The following SGCD variants were observed in gnomAD, a reference collection of about 807,000 sequenced individuals.
SGCD encodes the protein sarcoglycan delta, also known as delta-sarcoglycan.
A neutral mutation model predicts 36.6 loss-of-function variants in SGCD; 18 were observed. The observed-to-expected ratio is 0.49, with a 90% confidence interval of 0.34 to 0.73. The LOEUF is 0.73. SGCD is among the 30% of genes least tolerant of loss of function. The pLI is 0.01. For synonymous variants in SGCD, 133 were observed against 130.6 expected (o/e 1.02, Z -0.12); for missense variants, 387 against 346.7 (o/e 1.12, Z -0.92).
chr5:156,486,837 G>T (rs1307997323), intron 3 of SGCD, among the ~76,000 whole-genome samples: 1 of 152,070 alleles, frequency 6.6e-6, no homozygotes. Context: ...GCCACTTGGG[G>T]GCCTGGGAAC....
chr5:156,678,970 A>G (rs560066921), intron 7 of SGCD, among the ~76,000 whole-genome samples: 1 of 152,154 alleles, frequency 6.6e-6, no homozygotes, highest in African/African-American at 2.4e-5. Context: ...TTTTTTTTCT[A>G]GTTCTGATTC....
chr5:156,637,311 C>T (rs551785878), intron 6 of SGCD, among the ~76,000 whole-genome samples: 8 of 152,182 alleles, frequency 5.3e-5, no homozygotes, highest in Admixed American at 1.3e-4. Flanking sequence ...ATAAATTACC[C>T]GATCTTGGGT....
chr5:156,597,629 C>T (rs889943942), intron 6 of SGCD, among the ~76,000 whole-genome samples: 1 of 152,256 alleles, frequency 6.6e-6, no homozygotes, highest in Middle Eastern at 3.4e-3. Flanking sequence ...CAAACCATGT[C>T]GGTGAGGATT....
chr5:156,531,342 T>C (rs1333619960), intron 4 of SGCD, among the ~76,000 whole-genome samples: 1 of 152,240 alleles, frequency 6.6e-6, no homozygotes, highest in African/African-American at 2.4e-5. Flanking sequence ...TTACCCAGGC[T>C]GGGGTTCTTT....
In SGCD at chr5:156,758,442, GT is replaced by G. The variant is rs1319599967; in HGVS notation, c.699+740del. ...TCCACCTGACTATTCAATGAGAGAG[GT>G]TATCAGTCTCTACCTGCTTCTATAC... On this transcript the variant is annotated intron_variant, in intron 8 of 8. Coordinates refer to ENST00000337851, the MANE Select transcript of SGCD (RefSeq NM_000337.6). Among the ~76,000 whole-genome samples, 6 of 151,394 alleles carry G rather than the reference GT, an allele frequency of 4.0e-5. No homozygotes were observed. The East Asian group carries it at 1.2e-3, about 29-fold the overall frequency.
chr5:155,908,366 T>C (rs1029906242), intron 1 of SGCD, among the ~76,000 whole-genome samples: 2 of 152,152 alleles, frequency 1.3e-5, no homozygotes, highest in African/African-American at 4.8e-5. Flanking sequence ...TGTTTCCAGT[T>C]CTTCATATGA....
chr5:156,313,672 A>G (rs376277043), intron 3 of SGCD, among the ~76,000 whole-genome samples: 1 of 152,186 alleles, frequency 6.6e-6, no homozygotes, highest in South Asian at 2.1e-4. Context: ...TTAATAGCTG[A>G]AGGAGTTTGT....
chr5:156,037,549 G>C (rs1242455181), intron 1 of SGCD, among the ~76,000 whole-genome samples: 1 of 152,180 alleles, frequency 6.6e-6, no homozygotes, highest in African/African-American at 2.4e-5. Context: ...AACTTATTTA[G>C]GACACATAAA....
chr5:156,569,742 C>G (rs1291976396), intron 4 of SGCD, among the ~76,000 whole-genome samples: 1 of 151,944 alleles, frequency 6.6e-6, no homozygotes, highest in Non-Finnish European at 1.5e-5. Flanking sequence ...TCAAGGCAAC[C>G]AGGTGGATAT....
chr5:156,328,725 G>A (rs368881040), intron 1 of SGCD, among the ~76,000 whole-genome samples: 22 of 150,908 alleles, frequency 1.5e-4, no homozygotes, highest in Middle Eastern at 3.4e-3. Flanking sequence ...GATGGTTCAT[G>A]AACATTTTCT....
At position 156,379,900 on chromosome 5, in the gene SGCD, A is replaced by T. The variant is rs568652915; in HGVS notation, c.192+35223A>T. Among the ~76,000 whole-genome samples the T allele has an allele frequency of 3.1e-4, 47 of 152,342 alleles. No homozygotes were observed. In the South Asian group the frequency reaches 8.3e-3, roughly 27 times the overall value. Reference sequence around the variant, plus strand: ...GTTCAGAAAACTCTCTTAGGAAAAAAGAAAAAGCAAAAAATTTGACTGCAA... The same window carrying T: ...GTTCAGAAAACTCTCTTAGGAAAAATGAAAAAGCAAAAAATTTGACTGCAA... On this transcript the variant is annotated intron_variant, in intron 3 of 8. Coordinates refer to ENST00000337851, the MANE Select transcript of SGCD (RefSeq NM_000337.6).
intron 3 of SGCD, among the ~76,000 whole-genome samples, chr5:156,378,548 A>G (rs1475458497): frequency 6.6e-6 from 1 of 152,090 alleles, no homozygotes; most frequent in African/African-American, 2.4e-5. Context: ...GCATTTTATA[A>G]TTCCCCCCAC....
chr5:156,564,449 C>CA (rs1233284374), intron 4 of SGCD, among the ~76,000 whole-genome samples: 1 of 151,978 alleles, frequency 6.6e-6, no homozygotes, highest in African/African-American at 2.4e-5. Context: ...GACTCCATCT[C>CA]AAAACAAAAC....
chr5:156,482,218 A>C (rs963221219), intron 3 of SGCD, among the ~76,000 whole-genome samples: 3 of 152,154 alleles, frequency 2.0e-5, no homozygotes, highest in African/African-American at 7.2e-5. Context: ...AGCCTGAAAG[A>C]TCACTATGAT....
chr5:156,585,011 G>C (rs1368573775), intron 4 of SGCD, among the ~76,000 whole-genome samples: 3 of 152,234 alleles, frequency 2.0e-5, no homozygotes, highest in Non-Finnish European at 4.4e-5. Flanking sequence ...AGTGGTGACA[G>C]ATGAACATGA....
At chr5:156,198,966 G>A (rs1764082876) in intron 3 of SGCD, among the ~76,000 whole-genome samples, 1 of 152,028 alleles carries the variant, frequency 6.6e-6, no homozygotes, top group South Asian at 2.1e-4. Context: ...AAGTAGCTGG[G>A]ATATAGGTGC....
At chr5:156,647,378 C>A (rs938062164) in intron 6 of SGCD, 86 bp from the exon 7 acceptor site, 14 of 838,560 alleles carry the variant, frequency 1.7e-5, no homozygotes, top group Non-Finnish European at 2.7e-5. Flanking sequence ...GGATTCGCTG[C>A]ATTTAGCTCC....
At chr5:155,870,233 A>T (rs1755605100), upstream of SGCD, 1 of 152,208 alleles carries the variant, frequency 6.6e-6, no homozygotes, top group South Asian at 2.1e-4. Flanking sequence ...CTGTGTCTCA[A>T]TTTCCTCAAC....
At chr5:156,703,462 A>G (rs1754610352) in intron 7 of SGCD, among the ~76,000 whole-genome samples, 1 of 151,596 alleles carries the variant, frequency 6.6e-6, no homozygotes, top group Non-Finnish European at 1.5e-5. Flanking sequence ...TAAGTCATTC[A>G]ACACTGGCAT....
Sources: gnomAD v4.1 joint callset for allele counts (sites outside exome capture counted in the v4.1 genomes callset) on GRCh38, gnomAD v4.1.1 for gene constraint, MANE v1.5 for transcripts, NCBI Gene and HGNC (gene_info 2026-07-23, HGNC 2026-07-21) for gene names.